The following FHIT variants were observed in gnomAD, a reference collection of about 807,000 sequenced individuals.
FHIT encodes bis(5'-adenosyl)-triphosphatase.
In FHIT, 19 loss-of-function variants were observed where a neutral mutation model predicts 17.9. That is an observed-to-expected ratio of 1.06 (90% CI 0.74 to 1.56). FHIT has a LOEUF of 1.56. Among genes scored for constraint, FHIT ranks in the 40% most tolerant of loss-of-function variants. The pLI is 0.00. For missense variants in FHIT, 248 were observed against 189.2 expected (o/e 1.31, Z -1.82); for synonymous variants, 81 against 69.7 (o/e 1.16, Z -0.81).
intron 5 of FHIT, among the ~76,000 whole-genome samples, chr3:60,390,065 C>T (rs761013906): frequency 1.4e-4 from 22 of 152,112 alleles, no homozygotes; most frequent in African/African-American, 2.2e-4. Flanking sequence ...GATGAAGTGA[C>T]ATTTATCTAA....
chr3:60,796,108 A>G (rs6762099), intron 4 of FHIT, among the ~76,000 whole-genome samples: 1,937 of 152,258 alleles, frequency 0.013, 41 homozygotes, highest in African/African-American at 0.043. Context: ...CTTATTCACT[A>G]TCATGAGAAT....
intron 5 of FHIT, among the ~76,000 whole-genome samples, chr3:60,096,760 T>A (rs1158597055): frequency 1.3e-5 from 2 of 152,098 alleles, no homozygotes; most frequent in African/African-American, 4.8e-5. Flanking sequence ...AACTGCTGGC[T>A]AAATACAGAG....
At chr3:60,829,700 A>C (rs1384015984) in intron 3 of FHIT, among the ~76,000 whole-genome samples, 1 of 152,120 alleles carries the variant, frequency 6.6e-6, no homozygotes. Context: ...TGTCAGATGG[A>C]TGAAGAATAT....
intron 4 of FHIT, among the ~76,000 whole-genome samples, chr3:60,636,040 T>C (rs992698239): frequency 2.6e-5 from 4 of 151,958 alleles, no homozygotes; most frequent in Admixed American, 1.3e-4. Context: ...CCAAGAATCC[T>C]GTGCAGAATC....
intron 5 of FHIT, among the ~76,000 whole-genome samples, chr3:60,405,651 G>A (rs1005038987): frequency 6.6e-6 from 1 of 152,188 alleles, no homozygotes; most frequent in Non-Finnish European, 1.5e-5. Context: ...GCTAGCCAGA[G>A]GTCCCCAACT....
intron 5 of FHIT, among the ~76,000 whole-genome samples, chr3:60,071,868 G>C (rs1702788066): frequency 6.6e-6 from 1 of 152,178 alleles, no homozygotes; most frequent in Non-Finnish European, 1.5e-5. Context: ...AATGAGATCT[G>C]ATGGTTTTAT....
chr3:59,763,805 G>T (rs1361349012), intron 8 of FHIT, among the ~76,000 whole-genome samples: 2 of 152,216 alleles, frequency 1.3e-5, no homozygotes, highest in Admixed American at 6.5e-5. Flanking sequence ...CTGGCTGAAG[G>T]CAAGTGTCTG....
At chr3:60,483,851 TAA>T (rs2033722736) in intron 5 of FHIT, among the ~76,000 whole-genome samples, 1 of 152,112 alleles carries the variant, frequency 6.6e-6, no homozygotes, top group Non-Finnish European at 1.5e-5. Context: ...GAGAAAGAAA[TAA>T]AGAGTATTCG....
At chr3:60,366,036 T>A (rs1484506284) in intron 5 of FHIT, among the ~76,000 whole-genome samples, 1 of 152,222 alleles carries the variant, frequency 6.6e-6, no homozygotes, top group Non-Finnish European at 1.5e-5. Context: ...TATAATAATA[T>A]GGCAAGTACA....
intron 5 of FHIT, among the ~76,000 whole-genome samples, chr3:60,523,850 C>T (rs2035469615): frequency 6.6e-6 from 1 of 152,144 alleles, no homozygotes; most frequent in Admixed American, 6.5e-5. Flanking sequence ...TCAAAGCAGG[C>T]CACTTTGGAA....
intron 1 of FHIT, among the ~76,000 whole-genome samples, chr3:61,211,151 C>T (rs569088187): frequency 1.3e-5 from 2 of 151,760 alleles, no homozygotes; most frequent in African/African-American, 4.8e-5. Context: ...AGACAGTGGG[C>T]GCAGGACAGT....
intron 5 of FHIT, among the ~76,000 whole-genome samples, chr3:60,073,042 T>A (rs568137555): frequency 6.6e-6 from 1 of 152,160 alleles, no homozygotes; most frequent in African/African-American, 2.4e-5. Flanking sequence ...ACTCCTATCA[T>A]CCAAGTTTGA....
At chr3:60,102,516 A>G (rs749385330) in intron 5 of FHIT, among the ~76,000 whole-genome samples, 2 of 152,112 alleles carry the variant, frequency 1.3e-5, no homozygotes, top group Admixed American at 6.5e-5. Flanking sequence ...CAGCCTCCAC[A>G]TTCCTCAGCA....
At chr3:61,071,800 C>A (rs1037661308) in intron 2 of FHIT, among the ~76,000 whole-genome samples, 1 of 152,098 alleles carries the variant, frequency 6.6e-6, no homozygotes, top group South Asian at 2.1e-4. Context: ...AGATGAAATA[C>A]CCCAAAATAT....
chr3:60,711,086 G>T lies in FHIT; in HGVS notation c.-18+110833C>A, dbSNP rs147587913. ...CTTCTCTGAGACAATACTTCCAGAG[G>T]AACTATCAGACAGCAGCATTCACAG... is the stretch of plus-strand genomic sequence containing the variant. On this transcript the variant is annotated intron_variant, in intron 4 of 9. Transcript: ENST00000492590. Among the ~76,000 whole-genome samples the T allele has an allele frequency of 8.2e-3, 1,245 of 152,180 alleles. 23 individuals carry two copies. Among genetic ancestry groups the T allele is most frequent in the African/African-American group, 0.029 (1,198 of 41,518 alleles).
intron 4 of FHIT, among the ~76,000 whole-genome samples, chr3:60,781,162 G>A (rs143130849): frequency 3.3e-5 from 5 of 152,164 alleles, no homozygotes; most frequent in South Asian, 2.1e-4. Flanking sequence ...GAATGCACAC[G>A]TTAGCCCATT....
intron 2 of FHIT, among the ~76,000 whole-genome samples, chr3:61,185,412 A>G (rs904409322): frequency 6.6e-6 from 1 of 152,198 alleles, no homozygotes; most frequent in Non-Finnish European, 1.5e-5. Flanking sequence ...GTGGCCAAGC[A>G]GACACAAGTG....
chr3:60,143,612 T>G (rs1389201128), intron 5 of FHIT, among the ~76,000 whole-genome samples: 1 of 152,154 alleles, frequency 6.6e-6, no homozygotes, highest in South Asian at 2.1e-4. Flanking sequence ...TAATTTGTTA[T>G]GCAGCAATGG....
rs191554569 is a variant in FHIT, at chr3:61,187,159, A to T, written c.-164+13458T>A. On this transcript the variant is annotated intron_variant, in intron 2 of 9. Coordinates refer to ENST00000492590, the MANE Select transcript of FHIT (RefSeq NM_002012.4). Reference sequence around the variant, plus strand: ...AGGTGAGTGCATATTCATTCACTCAATATACAAATAATGATTGAGCACTTG... The same window carrying T: ...AGGTGAGTGCATATTCATTCACTCATTATACAAATAATGATTGAGCACTTG... 6.6e-3 allele frequency among the ~76,000 whole-genome samples: 1,009 copies of T among 152,300 alleles called. 9 individuals are homozygous for T. The highest frequency in any genetic ancestry group is 0.019 in the Admixed American group (297 of 15,296).
Sources: allele counts gnomAD v4.1 joint callset (sites outside exome capture counted in the v4.1 genomes callset), GRCh38; gene constraint gnomAD v4.1.1; transcripts MANE v1.5; gene names NCBI Gene and HGNC (gene_info 2026-07-23, HGNC 2026-07-21).